ZBTB18: variants seen among roughly 807,000 people sequenced by gnomAD.
ZBTB18 encodes the protein zinc finger and BTB domain-containing protein 18.
A neutral mutation model predicts 37.7 loss-of-function variants in ZBTB18; 2 were observed. The ratio of observed to expected loss-of-function variants is 0.05; its 90% CI spans 0.02 to 0.17. ZBTB18 has a LOEUF of 0.17. ZBTB18 is among the 10% of genes least tolerant of loss of function. The pLI is 1.00. For missense variants in ZBTB18, 408 were observed against 686.3 expected, an observed-to-expected ratio of 0.59 and a Z score of 4.53; for synonymous variants, 304 against 276.5, an observed-to-expected ratio of 1.10 and a Z score of -0.99.
upstream of ZBTB18, chr1:244,049,062 G>C: frequency 6.8e-6 from 1 of 146,136 alleles, no homozygotes. Flanking sequence ...CCCGGCGGGC[G>C]GGGGGCGCCA....
chr1:244,048,650 C>A (rs1160360787), upstream of ZBTB18, among the ~76,000 whole-genome samples: 44 of 147,624 alleles, frequency 3.0e-4, no homozygotes, highest in Admixed American at 2.7e-3. Flanking sequence ...CCCCCGCCCC[C>A]CCACCCGGCC....
rs776848683 is a variant in ZBTB18, at chr1:244,053,885, T to G, written c.111T>G (p.Val37=). ...RHQGFLCDCT[V]LVGDAQFRAH... ...AGGGTTTTCTTTGTGACTGCACTGT[T>G]CTGGTGGGAGATGCCCAGTTCCGAG... The change falls in exon 2 of 2, where the codon GTT becomes GTG. Residue 37 remains valine (V), a synonymous_variant. Coordinates refer to ENST00000358704, the MANE Select transcript of ZBTB18 (RefSeq NM_205768.3). This position sits in a 1 kb window ranked among gnomAD's most constrained non-coding sequence, Gnocchi z 5.2. The G allele has an allele frequency of 4.3e-6, 7 of 1,614,154 alleles. No individual in the cohort carries two copies. The highest frequency in any genetic ancestry group is 1.1e-5 in the South Asian group (1 of 91,078).
upstream of ZBTB18, among the ~76,000 whole-genome samples, chr1:244,049,463 G>T: frequency 6.7e-6 from 1 of 148,192 alleles, no homozygotes; most frequent in South Asian, 2.2e-4. Context: ...GGAGGGGGCC[G>T]GCGGGGGAGG....
At position 244,051,377 on chromosome 1, in the gene ZBTB18, C is replaced by G; in HGVS notation, c.-55C>G. The G allele has an allele frequency of 6.2e-7, 1 of 1,603,454 alleles. No individual in the cohort carries two copies. The highest frequency in any genetic ancestry group is 8.5e-7 in the Non-Finnish European group (1 of 1,175,454). ...CTCTCTTAGTCTGCTTTTTTTCCAC[C>G]GATGTAACAGACCTGGAGCCAGCAG... is the stretch of plus-strand genomic sequence containing the variant. On this transcript the variant is annotated 5_prime_UTR_variant, in exon 1 of 2. Transcript: ENST00000358704.
At position 244,055,118 on chromosome 1, in the gene ZBTB18, A is replaced by G. The variant is rs138662107; in HGVS notation, c.1344A>G (p.Thr448=). The G allele has an allele frequency of 5.1e-5, 83 of 1,614,140 alleles. No homozygotes were observed. In the African/African-American group the frequency reaches 1.0e-3, roughly 19 times the overall value. Residue 448 remains threonine, a synonymous_variant, in exon 2 of 2, where the codon ACA becomes ACG. Transcript: ENST00000358704. This position sits in a 1 kb window ranked among gnomAD's most constrained non-coding sequence, Gnocchi z 7.0. ...CTCACTCGGGGGAGAAGCCCTACAC[A>G]TGCACCCAGTGCGGCAAGAGCTTCC... is the stretch of plus-strand genomic sequence containing the variant. ...ERTHSGEKPY[T]CTQCGKSFQY... is the part of the protein sequence containing the mutation.
In ZBTB18 at chr1:244,055,400, AT is replaced by A; in HGVS notation, c.*31del. The A allele has an allele frequency of 1.6e-6, 1 of 644,584 alleles. No individual in the cohort carries two copies. Among genetic ancestry groups the A allele is most frequent in the Non-Finnish European group, 2.2e-6 (1 of 464,830 alleles). 39.9% of individuals were successfully genotyped at this position (644,584 alleles called of 1,614,324 possible). A position where few individuals can be genotyped will look rare whatever the true frequency, so the allele number is the denominator to read the frequency against. ...ATATATATATAAATAATATATATAT[AT>A]ATACATATATATAAATAGATCTCTA... On this transcript the variant is annotated 3_prime_UTR_variant, in exon 2 of 2. Transcript: ENST00000358704. The surrounding 1 kb of genome is among the most constrained non-coding windows in gnomAD (Gnocchi z 7.0).
Position 244,051,405 on chromosome 1 carries a change from C to T in ZBTB18, c.-27C>T. The T allele has an allele frequency of 1.2e-6, 2 of 1,613,928 alleles. No individual in the cohort carries two copies. The highest frequency in any genetic ancestry group is 1.7e-6 in the Non-Finnish European group (2 of 1,179,896). On this transcript the variant is annotated 5_prime_UTR_variant, in exon 1 of 2. Coordinates refer to ENST00000358704, the MANE Select transcript of ZBTB18 (RefSeq NM_205768.3). ...TGTAACAGACCTGGAGCCAGCAGGA[C>T]TCAGAGGAAAGGACTTAATCAGGTT...
rs1423296558 is a variant in ZBTB18 at position 244,054,831 on chromosome 1, C to T, written c.1057C>T (p.Arg353Cys). The change falls in exon 2 of 2, where the codon CGT becomes TGT. Residue 353 changes from arginine (R) to cysteine (C), a missense_variant. Physicochemically the swap from Arg to Cys is radical, Grantham distance 180 (BLOSUM62 -3). This residue lies in a region of ZBTB18 where 266 missense variants were observed against 312.0 expected (regional missense o/e 0.85). Coordinates refer to ENST00000358704, the MANE Select transcript of ZBTB18 (RefSeq NM_205768.3). The surrounding 1 kb of genome is among the most constrained non-coding windows in gnomAD (Gnocchi z 9.0). Reference protein sequence around the residue: ...DDEMMTPESERVQVEGGMESS... With the variant: ...DDEMMTPESECVQVEGGMESS... ...TGAGATGATGACCCCAGAGAGCGAG[C>T]GTGTCCAGGTGGAGGGAGGCATGGA... The T allele has an allele frequency of 9.9e-6, 16 of 1,613,964 alleles. No homozygotes were observed. The highest frequency in any genetic ancestry group is 6.7e-5 in the East Asian group (3 of 44,892).
chr1:244,049,377 G>C (rs1698302947), upstream of ZBTB18, among the ~76,000 whole-genome samples: 1 of 149,536 alleles, frequency 6.7e-6, no homozygotes, highest in Non-Finnish European at 1.5e-5. Context: ...GAGGGGGCTT[G>C]GGAGCAGCCG....
Position 244,054,531 on chromosome 1 carries a change from G to A in ZBTB18, c.757G>A (p.Val253Ile). 6.2e-7 allele frequency: 1 copy of A among 1,614,236 alleles called. No homozygotes were observed. The highest frequency in any genetic ancestry group is 1.1e-5 in the South Asian group (1 of 91,090). ...TGTTGACTGTGTGCTGGACCTGTCT[G>A]TCAAGTCCAGCCTTTCAGGAGTTGA... ...ADVDCVLDLS[V>I]KSSLSGVENL... The change falls in exon 2 of 2, where the codon GTC (valine) becomes ATC (isoleucine). Residue 253 changes from valine to isoleucine, a missense_variant. By Grantham distance (29) the Val-to-Ile change is conservative. Coordinates refer to ENST00000358704, the MANE Select transcript of ZBTB18 (RefSeq NM_205768.3). The surrounding 1 kb of genome is among the most constrained non-coding windows in gnomAD (Gnocchi z 9.0).
rs1235709946 is a variant in ZBTB18 at position 244,055,879 on chromosome 1, C to G, written c.*509C>G. On this transcript the variant is annotated 3_prime_UTR_variant, in exon 2 of 2. Coordinates refer to ENST00000358704, the MANE Select transcript of ZBTB18 (RefSeq NM_205768.3). The surrounding 1 kb of genome is among the most constrained non-coding windows in gnomAD (Gnocchi z 7.0). ...AAATGCTGGATTATCTATTTTTAAA[C>G]AAGCAGTTGACTTAAAACTTTCTGT... The G allele has an allele frequency of 1.2e-5, 2 of 167,004 alleles. No homozygotes were observed. Among genetic ancestry groups the G allele is most frequent in the Admixed American group, 1.3e-4 (2 of 15,276 alleles). The allele number at this position is 167,004 out of a possible 1,614,324, so 10.3% of individuals were successfully genotyped here.
chr1:244,050,227 C>T (rs368105047), upstream of ZBTB18, among the ~76,000 whole-genome samples: 3 of 152,270 alleles, frequency 2.0e-5, no homozygotes, highest in African/African-American at 4.8e-5. Flanking sequence ...TTTTCTACCC[C>T]TCGCCCTCCC....
chr1:244,049,455 A>C (rs1388293136), upstream of ZBTB18, among the ~76,000 whole-genome samples: 1 of 11,944 alleles, frequency 8.4e-5, no homozygotes, highest in South Asian at 4.0e-3. Flanking sequence ...CGCCCGGGGG[A>C]GGGGGCCGGC....
In ZBTB18 at chr1:244,053,796, G is replaced by C. The variant is rs1302570409; in HGVS notation, c.22G>C (p.Asp8His). MCPKGYE[D>H]SMEFPDHSRH... The stretch of plus-strand genomic sequence containing the variant: ...AATTCCTCTCTCCCCAGGTTATGAA[G>C]ACAGTATGGAGTTTCCAGACCATAG... The change falls in exon 2 of 2, where the codon GAC becomes CAC. Residue 8 changes from aspartate (D) to histidine (H), a missense_variant. Around this residue, in one of 4 missense-constraint regions of ZBTB18, gnomAD observed 95 missense variants for 218.7 expected, o/e 0.43. Coordinates refer to ENST00000358704, the MANE Select transcript of ZBTB18 (RefSeq NM_205768.3). The surrounding 1 kb of genome is among the most constrained non-coding windows in gnomAD (Gnocchi z 5.2). The C allele has an allele frequency of 6.2e-7, 1 of 1,610,296 alleles. No homozygotes were observed. Among genetic ancestry groups the C allele is most frequent in the South Asian group, 1.1e-5 (1 of 90,758 alleles).
In ZBTB18 at chr1:244,053,741, A is replaced by G. The variant is rs747098026; in HGVS notation, c.14-47A>G. ...TTTTATATGGGGACTGGAGCGCTGA[A>G]AAGTTGTTCCTGACCAGGCTCTAAT... On this transcript the variant is annotated intron_variant, in intron 1 of 1. Transcript: ENST00000358704. The surrounding 1 kb of genome is among the most constrained non-coding windows in gnomAD (Gnocchi z 5.2). 7.1e-6 allele frequency: 11 copies of G among 1,557,946 alleles called. No individual in the cohort carries two copies. Among genetic ancestry groups the G allele is most frequent in the Non-Finnish European group, 8.7e-6 (10 of 1,154,280 alleles).
At position 244,055,724 on chromosome 1, in the gene ZBTB18, GTTT is replaced by G. The variant is rs1049116717; in HGVS notation, c.*358_*360del. 1.1e-4 allele frequency: 18 copies of G among 161,984 alleles called. No homozygotes were observed. Among genetic ancestry groups the G allele is most frequent in the Non-Finnish European group, 2.4e-4 (16 of 67,068 alleles). The allele number at this position is 161,984 out of a possible 1,614,324, so 10.0% of individuals were successfully genotyped here. A position where few individuals can be genotyped will look rare whatever the true frequency, so the allele number is the denominator to read the frequency against. ...TTTTCCCCCCCAACAAAGTTTTTTT[GTTT>G]TTTGTTTTTTTTTTTAAGTAGAAAT... is the stretch of plus-strand genomic sequence containing the variant. On this transcript the variant is annotated 3_prime_UTR_variant, in exon 2 of 2. Transcript: ENST00000358704. The surrounding 1 kb of genome is among the most constrained non-coding windows in gnomAD (Gnocchi z 7.0).
Position 244,054,104 on chromosome 1 carries a change from C to T in ZBTB18, c.330C>T (p.Ala110=). 2 of 1,614,034 alleles carry T rather than the reference C, an allele frequency of 1.2e-6. No individual in the cohort carries two copies. The highest frequency in any genetic ancestry group is 2.2e-5 in the South Asian group (2 of 91,072). ...CCATTGAAGACGTGCTAGCAGCTGC[C>T]AGTTATCTCCACATGTATGACATTG... The part of the protein sequence containing the change: ...DLPIEDVLAA[A]SYLHMYDIVK... Residue 110 remains alanine (A), a synonymous_variant, in exon 2 of 2, where the codon GCC becomes GCT. Transcript: ENST00000358704. The surrounding 1 kb of genome is among the most constrained non-coding windows in gnomAD (Gnocchi z 9.0).
rs761494832 is a variant in ZBTB18, at chr1:244,054,262, ATTT to A, written c.489_491del (p.Asp163_Leu164delinsGlu). 1.2e-6 allele frequency: 2 copies of A among 1,614,200 alleles called. No individual in the cohort carries two copies. Among genetic ancestry groups the A allele is most frequent in the Non-Finnish European group, 1.7e-6 (2 of 1,180,032 alleles). On this transcript the variant is annotated inframe_deletion, in exon 2 of 2. Transcript: ENST00000358704. This position sits in a 1 kb window ranked among gnomAD's most constrained non-coding sequence, Gnocchi z 9.0. ...GATGGCAGCAGCCACATAGCAGGCG[ATTT>A]GCCCAGTGATGAAGATGAAGGAGAA...
chr1:244,054,991 A>T lies in ZBTB18; in HGVS notation c.1217A>T (p.Asp406Val). The T allele has an allele frequency of 6.2e-7, 1 of 1,614,026 alleles. No homozygotes were observed. The highest frequency in any genetic ancestry group is 8.5e-7 in the Non-Finnish European group (1 of 1,180,026). Residue 406 changes from aspartate (D) to valine (V), a missense_variant, in exon 2 of 2, where the codon GAC (aspartate) becomes GTC (valine). Coordinates refer to ENST00000358704, the MANE Select transcript of ZBTB18 (RefSeq NM_205768.3). The surrounding 1 kb of genome is among the most constrained non-coding windows in gnomAD (Gnocchi z 9.0). ...IHLSTHFREQDGIRSKPAADV... is the reference protein window; with the variant it reads ...IHLSTHFREQVGIRSKPAADV... ...CTGAGCACGCACTTCCGCGAGCAGG[A>T]CGGCATCCGCAGCAAGCCCGCCGCC...
Sources: allele counts gnomAD v4.1 joint callset (sites outside exome capture counted in the v4.1 genomes callset), GRCh38; gene constraint gnomAD v4.1.1; regional missense constraint gnomAD v4.1.1; non-coding constraint Gnocchi (gnomAD v3.1); transcripts MANE v1.5; gene names NCBI Gene and HGNC (gene_info 2026-07-23, HGNC 2026-07-21).